The following COL4A1 variants were observed in gnomAD, a reference collection of about 807,000 sequenced individuals.
The protein encoded by COL4A1 is collagen alpha-1(IV) chain.
A neutral mutation model predicts 216.6 loss-of-function variants in COL4A1; 40 were observed. That is an observed-to-expected ratio of 0.18 (90% CI 0.14 to 0.24). The LOEUF is 0.24. COL4A1 is among the 10% of genes least tolerant of loss of function. COL4A1 has a pLI of 1.00. For missense variants in COL4A1, 1,628 were observed against 2,196.8 expected, an observed-to-expected ratio of 0.74 and a Z score of 5.18; for synonymous variants, 839 against 810.7, an observed-to-expected ratio of 1.03 and a Z score of -0.59.
At chr13:110,240,092 T>C (rs959503887) in intron 2 of COL4A1, among the ~76,000 whole-genome samples, 8 of 152,340 alleles carry the variant, frequency 5.3e-5, no homozygotes, top group Non-Finnish European at 1.2e-4. Flanking sequence ...GTCCTAGGCC[T>C]AGACTTCAAG....
chr13:110,225,451 C>CA (rs1227136312), intron 2 of COL4A1, among the ~76,000 whole-genome samples: 1 of 152,158 alleles, frequency 6.6e-6, no homozygotes, highest in African/African-American at 2.4e-5. Flanking sequence ...AGCGTGGTGG[C>CA]ACACGCCTGT....
chr13:110,154,457 C>T (rs535129399), intron 50 of COL4A1, among the ~76,000 whole-genome samples: 2 of 152,362 alleles, frequency 1.3e-5, no homozygotes, highest in South Asian at 2.1e-4. Flanking sequence ...GGCCAGCCCT[C>T]GGGTGTTCTC....
intron 2 of COL4A1, among the ~76,000 whole-genome samples, chr13:110,218,580 A>T (rs1332195645): frequency 6.6e-6 from 1 of 152,216 alleles, no homozygotes; most frequent in Non-Finnish European, 1.5e-5. Context: ...ATGCTGAACT[A>T]GCCAATTGCA....
In COL4A1 at chr13:110,211,837, A is replaced by C; in HGVS notation, c.441+32T>G. 1.2e-6 allele frequency: 2 copies of C among 1,612,400 alleles called. No individual in the cohort carries two copies. The highest frequency in any genetic ancestry group is 1.7e-6 in the Non-Finnish European group (2 of 1,178,504). On this transcript the variant is annotated intron_variant, in intron 7 of 51. Transcript: ENST00000375820. This position sits in a 1 kb window ranked among gnomAD's most constrained non-coding sequence, Gnocchi z 4.3. Reference sequence around the variant, plus strand: ...AAAGAGAGAAGTCATAACTAAAAGAAAGAAGTTCTGCCCTAAATAACCTCT... The same window carrying C: ...AAAGAGAGAAGTCATAACTAAAAGACAGAAGTTCTGCCCTAAATAACCTCT...
intron 15 of COL4A1, 104 bp from the exon 16 acceptor site, chr13:110,205,642 C>T (rs1879473730): frequency 3.2e-6 from 4 of 1,244,550 alleles, no homozygotes; most frequent in Non-Finnish European, 4.7e-6. Context: ...GTGGGTGGAT[C>T]ACCTGAGGTC....
At chr13:110,236,940 C>G (rs1383358192) in intron 2 of COL4A1, among the ~76,000 whole-genome samples, 1 of 152,178 alleles carries the variant, frequency 6.6e-6, no homozygotes, top group Non-Finnish European at 1.5e-5. Flanking sequence ...ACTGGCTGAC[C>G]TGCCCCTTGT....
intron 17 of COL4A1, among the ~76,000 whole-genome samples, chr13:110,204,639 A>AT (rs933522913): frequency 5.0e-5 from 6 of 119,256 alleles, no homozygotes; most frequent in Non-Finnish European, 1.1e-4. Context: ...ATTGACAAAT[A>AT]TTTTTTAGAT....
At chr13:110,279,822 G>A (rs1180895683) in intron 1 of COL4A1, among the ~76,000 whole-genome samples, 1 of 152,144 alleles carries the variant, frequency 6.6e-6, no homozygotes, top group Non-Finnish European at 1.5e-5. Context: ...ACTATTCAGT[G>A]AGTCCCTTCT....
At chr13:110,169,832 T>C in intron 42 of COL4A1, 70 bp from the exon 43 acceptor site, 5 of 1,534,444 alleles carry the variant, frequency 3.3e-6, no homozygotes, top group East Asian at 2.5e-5. Context: ...TGTGGGGCTA[T>C]CAATACTGCC....
chr13:110,224,717 A>G (rs1006382218), intron 2 of COL4A1, among the ~76,000 whole-genome samples: 1 of 152,222 alleles, frequency 6.6e-6, no homozygotes, highest in African/African-American at 2.4e-5. Flanking sequence ...CATTAACAGA[A>G]ATGTTGAAAA....
At chr13:110,231,950 G>A (rs1293935430) in intron 2 of COL4A1, among the ~76,000 whole-genome samples, 2 of 152,218 alleles carry the variant, frequency 1.3e-5, no homozygotes, top group Non-Finnish European at 2.9e-5. Context: ...GCTCTAGCAA[G>A]ACGTGTGTAA....
At chr13:110,223,793 G>A (rs576147467) in intron 2 of COL4A1, among the ~76,000 whole-genome samples, 2 of 152,250 alleles carry the variant, frequency 1.3e-5, no homozygotes, top group African/African-American at 4.8e-5. Context: ...CTCTCTGGGG[G>A]TTCCTGCCTG....
chr13:110,187,101 T>G (rs376977912), intron 25 of COL4A1, 37 bp downstream of exon 25: 352 of 1,611,938 alleles, frequency 2.2e-4, no homozygotes, highest in Non-Finnish European at 2.7e-4. Flanking sequence ...AGATCCACAC[T>G]GTAAAATGCA....
intron 2 of COL4A1, among the ~76,000 whole-genome samples, chr13:110,231,284 G>A (rs1253571713): frequency 2.0e-5 from 3 of 152,220 alleles, no homozygotes; most frequent in African/African-American, 7.2e-5. Flanking sequence ...AGTCTTGTAC[G>A]TGGAAGTGAG....
intron 1 of COL4A1, among the ~76,000 whole-genome samples, chr13:110,283,642 C>T (rs1415475008): frequency 6.6e-6 from 1 of 152,150 alleles, no homozygotes; most frequent in African/African-American, 2.4e-5. Flanking sequence ...GGCACATGCA[C>T]ACAGGCATGT....
At chr13:110,219,842 A>ATGTGTGTATATATGTATATATATG in intron 2 of COL4A1, among the ~76,000 whole-genome samples, 1 of 54,812 alleles carries the variant, frequency 1.8e-5, no homozygotes, top group East Asian at 7.5e-4. Context: ...GTATGTATAT[A>ATGTGTGTATATATGTATATATATG]TGTGTATATA....
chr13:110,248,683 G>A (rs1301672134), intron 1 of COL4A1, among the ~76,000 whole-genome samples: 2 of 152,114 alleles, frequency 1.3e-5, no homozygotes, highest in Non-Finnish European at 2.9e-5. Context: ...TAGTAGAGAT[G>A]GGATTTCGCC....
chr13:110,162,050 A>G lies in COL4A1; in HGVS notation c.4462+180T>C, dbSNP rs1417615220. On this transcript the variant is annotated intron_variant, in intron 48 of 51. Coordinates refer to ENST00000375820, the MANE Select transcript of COL4A1 (RefSeq NM_001845.6). ...TAATACAGCAGCTGTTGAACCGATT[A>G]TTTGTAATCAATGGAGGGAAATGGG... 8.5e-6 allele frequency: 6 copies of G among 708,040 alleles called. No individual in the cohort carries two copies. In the African/African-American group the frequency reaches 1.0e-4, roughly 12 times the overall value. 43.9% of individuals were successfully genotyped at this position (708,040 alleles called of 1,614,324 possible).
Position 110,174,811 on chromosome 13 carries a change from T to C in COL4A1, c.3199-62A>G, listed in dbSNP as rs985084773. Reference sequence around the variant, plus strand: ...GTCCATGGGCATGCATCTGTAGGCATGTTATAGATAATGGTATACATTTTG... The same window carrying C: ...GTCCATGGGCATGCATCTGTAGGCACGTTATAGATAATGGTATACATTTTG... On this transcript the variant is annotated intron_variant, in intron 37 of 51. Coordinates refer to ENST00000375820, the MANE Select transcript of COL4A1 (RefSeq NM_001845.6). The C allele has an allele frequency of 1.0e-5, 15 of 1,457,048 alleles. No individual in the cohort carries two copies. The East Asian group carries it at 2.5e-4, about 24-fold the overall frequency. 90.3% of individuals were successfully genotyped at this position (1,457,048 alleles called of 1,614,324 possible).
Sources: allele counts gnomAD v4.1 joint callset (sites outside exome capture counted in the v4.1 genomes callset), GRCh38; gene constraint gnomAD v4.1.1; non-coding constraint Gnocchi (gnomAD v3.1); transcripts MANE v1.5; gene names NCBI Gene and HGNC (gene_info 2026-07-23, HGNC 2026-07-21).